PSME3IP1: variants seen among roughly 807,000 people sequenced by gnomAD.
PSME3IP1 encodes the protein PSME3-interacting protein.
A neutral mutation model predicts 34.1 loss-of-function variants in PSME3IP1; 13 were observed. The ratio of observed to expected loss-of-function variants is 0.38; its 90% CI spans 0.25 to 0.61. The LOEUF (loss-of-function observed/expected upper bound fraction) is 0.61. Ranked by LOEUF, PSME3IP1 falls within the 20% of genes least tolerant of loss-of-function variation. The pLI, the probability that PSME3IP1 is intolerant of heterozygous loss-of-function variation, is 0.60. For synonymous variants in PSME3IP1, 93 were observed against 114.3 expected, an observed-to-expected ratio of 0.81 and a Z score of 1.19; for missense variants, 237 against 301.4, an observed-to-expected ratio of 0.79 and a Z score of 1.58.
rs111740078 is a variant in PSME3IP1 at position 57,160,089 on chromosome 16, G to A, written c.547+3912C>T. On this transcript the variant is annotated intron_variant, in intron 6 of 6. Transcript: ENST00000309137. ...GTGGATCATGAGGTCAGGAGATCGAGACCATCCTGGCTAACAAGGTGAAAC... is the reference window on the plus strand; with the variant it reads ...GTGGATCATGAGGTCAGGAGATCGAAACCATCCTGGCTAACAAGGTGAAAC... 7.2e-3 allele frequency among the ~76,000 whole-genome samples: 1,099 copies of A among 152,200 alleles called. 21 individuals are homozygous for A. Among genetic ancestry groups the A allele is most frequent in the African/African-American group, 0.025 (1,056 of 41,510 alleles).
At chr16:57,182,551 T>TAAAAAAAAAAA (rs10717048) in intron 1 of PSME3IP1, among the ~76,000 whole-genome samples, 1 of 76,756 alleles carries the variant, frequency 1.3e-5, no homozygotes. Context: ...CCATTTCCCT[T>TAAAAAAAAAAA]AAAAAAAAAA....
At chr16:57,185,460 C>T (rs1320034112) in intron 1 of PSME3IP1, 13 of 958,740 alleles carry the variant, frequency 1.4e-5, no homozygotes, top group African/African-American at 1.8e-5. Context: ...CAACCAGACG[C>T]CGCACATCCG....
intron 1 of PSME3IP1, among the ~76,000 whole-genome samples, chr16:57,175,159 C>A (rs748956504): frequency 6.6e-6 from 1 of 151,936 alleles, no homozygotes; most frequent in African/African-American, 2.4e-5. Flanking sequence ...GGACTACAGG[C>A]GTGTGCCAAC....
intron 1 of PSME3IP1, among the ~76,000 whole-genome samples, chr16:57,183,415 C>T (rs1292577244): frequency 6.6e-6 from 1 of 152,064 alleles, no homozygotes; most frequent in Non-Finnish European, 1.5e-5. Flanking sequence ...TCATTGCAAC[C>T]TCCACCTCCC....
At chr16:57,185,624 T>G in intron 1 of PSME3IP1, 197 bp downstream of exon 1, 31 of 985,446 alleles carry the variant, frequency 3.1e-5, no homozygotes, top group Non-Finnish European at 3.7e-5. Context: ...GCGACCCAGA[T>G]GCCTTCCCGC....
intron 4 of PSME3IP1, among the ~76,000 whole-genome samples, chr16:57,169,625 C>T (rs1262216163): frequency 1.3e-5 from 2 of 152,128 alleles, no homozygotes; most frequent in Non-Finnish European, 2.9e-5. Context: ...TCACTGCTGC[C>T]CTGTTCATTC....
chr16:57,175,514 C>T (rs2073095073), intron 1 of PSME3IP1: 1 of 152,176 alleles, frequency 6.6e-6, no homozygotes, highest in Admixed American at 6.5e-5. Flanking sequence ...AAAAATAAAG[C>T]AGCTAACAGT....
chr16:57,176,280 G>A (rs1404408324), intron 1 of PSME3IP1, among the ~76,000 whole-genome samples: 10 of 152,038 alleles, frequency 6.6e-5, no homozygotes, highest in African/African-American at 1.2e-4. Context: ...CCTATTAACC[G>A]TGTCTCCTTT....
At chr16:57,160,262 A>T (rs1220150002) in intron 6 of PSME3IP1, among the ~76,000 whole-genome samples, 30 of 151,348 alleles carry the variant, frequency 2.0e-4, no homozygotes, top group Admixed American at 2.0e-3. Context: ...TGCAGTCCGC[A>T]GTCCGGCCTG....
intron 1 of PSME3IP1, among the ~76,000 whole-genome samples, chr16:57,175,135 C>T (rs2073059169): frequency 6.6e-6 from 1 of 152,030 alleles, no homozygotes; most frequent in South Asian, 2.1e-4. Context: ...CTGCCTCCGC[C>T]TCCTGACTAG....
Position 57,154,405 on chromosome 16 carries a change from G to C in PSME3IP1, c.650C>G (p.Ala217Gly), listed in dbSNP as rs758399641. 25 of 1,613,984 alleles carry C rather than the reference G, an allele frequency of 1.5e-5. No individual in the cohort carries two copies. The African/African-American group carries it at 2.7e-4, about 17-fold the overall frequency. Reference sequence around the variant, plus strand: ...CTCGGAGTCGCTGCTCCCAGAGTAGGCACCCAGGCCTGGGAGGATGCCGAT... The same window carrying C: ...CTCGGAGTCGCTGCTCCCAGAGTAGCCACCCAGGCCTGGGAGGATGCCGAT... Reference protein sequence around the residue: ...VCIGILPGLGAYSGSSDSESS... With the variant: ...VCIGILPGLGGYSGSSDSESS... Residue 217 changes from alanine to glycine, a missense_variant, in exon 7 of 7, where the codon GCC becomes GGC. Physicochemically the swap from Ala to Gly is moderately conservative, Grantham distance 60 (BLOSUM62 0). Coordinates refer to ENST00000309137, the MANE Select transcript of PSME3IP1 (RefSeq NM_024946.4). The surrounding 1 kb of genome is among the most constrained non-coding windows in gnomAD (Gnocchi z 4.0).
chr16:57,183,218 A>G (rs1567460043), intron 1 of PSME3IP1, among the ~76,000 whole-genome samples: 1 of 152,252 alleles, frequency 6.6e-6, no homozygotes, highest in Admixed American at 6.5e-5. Context: ...TGGAAATCAC[A>G]CAAATTTCAC....
chr16:57,155,167 AC>A (rs1400458842), intron 6 of PSME3IP1, among the ~76,000 whole-genome samples: 1 of 152,118 alleles, frequency 6.6e-6, no homozygotes, highest in Non-Finnish European at 1.5e-5. Context: ...ATTTAACACA[AC>A]CTTTGCTTTC....
rs1003155216 is a variant in PSME3IP1 at position 57,152,845 on chromosome 16, G to T, written c.*1445C>A. ...ACAAAGCATCAGTTATGGGTGCAGG[G>T]AAGTCGCCATCTGCCAATGGGCACC... is the stretch of plus-strand genomic sequence containing the variant. On this transcript the variant is annotated 3_prime_UTR_variant, in exon 7 of 7. Coordinates refer to ENST00000309137, the MANE Select transcript of PSME3IP1 (RefSeq NM_024946.4). 5.2e-5 allele frequency: 8 copies of T among 152,604 alleles called. No individual in the cohort carries two copies. The highest frequency in any genetic ancestry group is 1.9e-4 in the African/African-American group (8 of 41,448). The allele number at this position is 152,604 out of a possible 1,614,324, so 9.5% of individuals were successfully genotyped here.
chr16:57,183,787 G>A (rs2073928853), intron 1 of PSME3IP1, among the ~76,000 whole-genome samples: 1 of 152,200 alleles, frequency 6.6e-6, no homozygotes, highest in Admixed American at 6.5e-5. Flanking sequence ...GTGCCTTTAT[G>A]AGATAACAGA....
At position 57,169,746 on chromosome 16, in the gene PSME3IP1, A is replaced by G. The variant is rs139987751; in HGVS notation, c.348+2505T>C. On this transcript the variant is annotated intron_variant, in intron 4 of 6. Coordinates refer to ENST00000309137, the MANE Select transcript of PSME3IP1 (RefSeq NM_024946.4). ...ATTTGCTAGTCTACCAAAATAAAAC[A>G]TAATATCATTCAAGTGAGAAGTGTA... Among the ~76,000 whole-genome samples, 747 of 152,362 alleles carry G rather than the reference A, an allele frequency of 4.9e-3. 7 individuals are homozygous for G. Among genetic ancestry groups the G allele is most frequent in the African/African-American group, 0.017 (694 of 41,584 alleles).
intron 5 of PSME3IP1, among the ~76,000 whole-genome samples, chr16:57,165,191 C>T (rs531242137): frequency 1.3e-4 from 20 of 151,034 alleles, no homozygotes; most frequent in African/African-American, 4.4e-4. Context: ...GGTGTTAAAA[C>T]GTGTGTGGCG....
rs2070053581 is a variant in PSME3IP1, at chr16:57,152,530, T to C, written c.*1760A>G. The C allele has an allele frequency of 6.6e-6, 1 of 152,456 alleles. No individual in the cohort carries two copies. The highest frequency in any genetic ancestry group is 1.5e-5 in the Non-Finnish European group (1 of 68,038). The allele number at this position is 152,456 out of a possible 1,614,324, so 9.4% of individuals were successfully genotyped here. A position where few individuals can be genotyped will look rare whatever the true frequency, so the allele number is the denominator to read the frequency against. On this transcript the variant is annotated 3_prime_UTR_variant, in exon 7 of 7. Transcript: ENST00000309137. ...GATGTTTTTAAACCCTGCAACCCTC[T>C]GTCAACTTCTTTCCACATCAAGAGG...
At position 57,157,268 on chromosome 16, in the gene PSME3IP1, G is replaced by A. The variant is rs570972692; in HGVS notation, c.548-2761C>T. On this transcript the variant is annotated intron_variant, in intron 6 of 6. Transcript: ENST00000309137. ...GCTGAGGCTGCAGTGAGCCATGATC[G>A]CACCACAGAACTCCAAACTGGGTGA... Among the ~76,000 whole-genome samples the A allele has an allele frequency of 1.4e-4, 20 of 143,956 alleles. No individual in the cohort carries two copies. In the East Asian group the frequency reaches 1.4e-3, roughly 10 times the overall value. 94.4% of individuals were successfully genotyped at this position (143,956 alleles called of 152,430 possible).
Sources: gnomAD v4.1 joint callset for allele counts (sites outside exome capture counted in the v4.1 genomes callset) on GRCh38, gnomAD v4.1.1 for gene constraint, Gnocchi (gnomAD v3.1) non-coding constraint, MANE v1.5 for transcripts, NCBI Gene and HGNC (gene_info 2026-07-23, HGNC 2026-07-21) for gene names.